The following FHIT variants were observed in gnomAD, a reference collection of about 807,000 sequenced individuals.
The protein encoded by FHIT is bis(5'-adenosyl)-triphosphatase.
FHIT carries 19 observed loss-of-function variants against 17.9 expected under a neutral mutation model. That is an observed-to-expected ratio of 1.06 (90% CI 0.74 to 1.56). The LOEUF (loss-of-function observed/expected upper bound fraction) is 1.56. Among genes scored for constraint, FHIT ranks in the 40% most tolerant of loss-of-function variants. The pLI, the probability that FHIT is intolerant of heterozygous loss-of-function variation, is 0.00. For synonymous variants in FHIT, 81 were observed against 69.7 expected, an observed-to-expected ratio of 1.16 and a Z score of -0.81; for missense variants, 248 against 189.2, an observed-to-expected ratio of 1.31 and a Z score of -1.82.
intron 5 of FHIT, among the ~76,000 whole-genome samples, chr3:60,428,889 TG>T (rs1702773278): frequency 1.3e-5 from 2 of 152,204 alleles, no homozygotes; most frequent in African/African-American, 2.4e-5. Flanking sequence ...CCAATATGAA[TG>T]GGATTCTTTT....
At chr3:61,215,116 C>T (rs904912924) in intron 1 of FHIT, among the ~76,000 whole-genome samples, 2 of 151,892 alleles carry the variant, frequency 1.3e-5, no homozygotes, top group Admixed American at 1.3e-4. Context: ...GATGCCCTCT[C>T]TCACCACTCC....
At chr3:60,350,664 T>G (rs988353721) in intron 5 of FHIT, among the ~76,000 whole-genome samples, 1 of 152,128 alleles carries the variant, frequency 6.6e-6, no homozygotes, top group Non-Finnish European at 1.5e-5. Flanking sequence ...ACTTAAAGTA[T>G]GGCTATGGAA....
chr3:60,714,609 C>G (rs1240503204), intron 4 of FHIT, among the ~76,000 whole-genome samples: 1 of 152,016 alleles, frequency 6.6e-6, no homozygotes, highest in Admixed American at 6.6e-5. Context: ...AATCAATGTA[C>G]AAAAATCACA....
chr3:60,213,051 A>T (rs2107520244), intron 5 of FHIT, among the ~76,000 whole-genome samples: 2 of 152,294 alleles, frequency 1.3e-5, no homozygotes, highest in Middle Eastern at 6.8e-3. Flanking sequence ...CTAGTACTTT[A>T]TGGTAGCTTC....
intron 3 of FHIT, among the ~76,000 whole-genome samples, chr3:60,877,826 T>C (rs1206272973): frequency 2.0e-5 from 3 of 152,028 alleles, no homozygotes; most frequent in East Asian, 1.9e-4. Flanking sequence ...TGCTGTTTCC[T>C]GGGGAGTGGA....
chr3:60,457,874 C>T (rs1369524930), intron 5 of FHIT, among the ~76,000 whole-genome samples: 1 of 152,084 alleles, frequency 6.6e-6, no homozygotes, highest in East Asian at 1.9e-4. Context: ...AAATCAAAAC[C>T]ACAATGAGAT....
chr3:60,146,375 G>C (rs925449635), intron 5 of FHIT, among the ~76,000 whole-genome samples: 4 of 151,786 alleles, frequency 2.6e-5, no homozygotes, highest in Admixed American at 6.6e-5. Flanking sequence ...GCTGGGATGA[G>C]CCATCCCCAG....
intron 5 of FHIT, among the ~76,000 whole-genome samples, chr3:60,163,654 C>A (rs977461399): frequency 1.3e-5 from 2 of 152,176 alleles, no homozygotes; most frequent in Non-Finnish European, 2.9e-5. Context: ...CTATGGTTTA[C>A]AGCAGAGTTT....
At chr3:60,444,239 G>T (rs2031152775) in intron 5 of FHIT, among the ~76,000 whole-genome samples, 1 of 152,190 alleles carries the variant, frequency 6.6e-6, no homozygotes, top group Non-Finnish European at 1.5e-5. Flanking sequence ...CTTTTACATT[G>T]TTGGTGGGAA....
chr3:60,662,168 T>C (rs1225867388), intron 4 of FHIT, among the ~76,000 whole-genome samples: 2 of 152,228 alleles, frequency 1.3e-5, no homozygotes, highest in Non-Finnish European at 2.9e-5. Context: ...ATTGTATGGT[T>C]TCAGGTCTTA....
intron 4 of FHIT, among the ~76,000 whole-genome samples, chr3:60,568,768 G>C (rs897949766): frequency 2.0e-5 from 3 of 152,002 alleles, no homozygotes; most frequent in African/African-American, 7.2e-5. Flanking sequence ...TCAGCTCTTA[G>C]TCAAGCTCAT....
At chr3:60,159,817 G>A (rs1318991609) in intron 5 of FHIT, among the ~76,000 whole-genome samples, 1 of 152,114 alleles carries the variant, frequency 6.6e-6, no homozygotes, top group Non-Finnish European at 1.5e-5. Flanking sequence ...CCAAATAACT[G>A]CCCTCTAACT....
At chr3:60,294,638 CA>C (rs1258703511) in intron 5 of FHIT, among the ~76,000 whole-genome samples, 1 of 152,144 alleles carries the variant, frequency 6.6e-6, no homozygotes, top group Non-Finnish European at 1.5e-5. Flanking sequence ...TTACCATTCG[CA>C]CAAAGGTCCC....
intron 5 of FHIT, among the ~76,000 whole-genome samples, chr3:60,083,458 G>A (rs566763974): frequency 6.6e-6 from 1 of 152,134 alleles, no homozygotes; most frequent in Non-Finnish European, 1.5e-5. Flanking sequence ...GGTTCCATGT[G>A]AATAGTCTTT....
chr3:61,080,490 A>C (rs1467337080), intron 2 of FHIT, among the ~76,000 whole-genome samples: 1 of 152,198 alleles, frequency 6.6e-6, no homozygotes, highest in Admixed American at 6.5e-5. Context: ...AAAAATGGAA[A>C]ATCAATTACT....
At position 60,562,830 on chromosome 3, in the gene FHIT, T is replaced by C. The variant is rs75729324; in HGVS notation, c.-17-25851A>G. Reference sequence around the variant, plus strand: ...CACCAAGCCTGGCCTCTATCAGTCATTCCTTTGTTTATTTTGGAATTCATT... The same window carrying C: ...CACCAAGCCTGGCCTCTATCAGTCACTCCTTTGTTTATTTTGGAATTCATT... On this transcript the variant is annotated intron_variant, in intron 4 of 9. Coordinates refer to ENST00000492590, the MANE Select transcript of FHIT (RefSeq NM_002012.4). Among the ~76,000 whole-genome samples the C allele has an allele frequency of 4.2e-3, 644 of 152,270 alleles. 4 individuals carry two copies. The highest frequency in any genetic ancestry group is 0.015 in the African/African-American group (611 of 41,546).
chr3:59,850,194 G>C (rs1033745410), intron 8 of FHIT, among the ~76,000 whole-genome samples: 2 of 152,164 alleles, frequency 1.3e-5, no homozygotes, highest in Admixed American at 1.3e-4. Context: ...AAAAAGTAAA[G>C]ATGCTGGATT....
intron 5 of FHIT, among the ~76,000 whole-genome samples, chr3:60,174,038 C>T (rs569975993): frequency 2.7e-5 from 4 of 149,664 alleles, no homozygotes; most frequent in Admixed American, 6.7e-5. Context: ...TTCAGCCTCC[C>T]GAGTAGCTGG....
chr3:60,728,623 T>C (rs187800785), intron 4 of FHIT, among the ~76,000 whole-genome samples: 1 of 152,146 alleles, frequency 6.6e-6, no homozygotes, highest in East Asian at 1.9e-4. Context: ...GTTTATTTAC[T>C]AAATCTGGGG....
Sources: gnomAD v4.1 joint callset for allele counts (sites outside exome capture counted in the v4.1 genomes callset) on GRCh38, gnomAD v4.1.1 for gene constraint, MANE v1.5 for transcripts, NCBI Gene and HGNC (gene_info 2026-07-23, HGNC 2026-07-21) for gene names.